The following PCDH15 variants were observed in gnomAD, a reference collection of about 807,000 sequenced individuals.
PCDH15 encodes the protein protocadherin related 15.
PCDH15 carries 129 observed loss-of-function variants against 178.5 expected under a neutral mutation model. That is an observed-to-expected ratio of 0.72 (90% CI 0.63 to 0.84). PCDH15 has a LOEUF of 0.84. Ranked by LOEUF, PCDH15 falls within the 40% of genes least tolerant of loss-of-function variation. The pLI, the probability that PCDH15 is intolerant of heterozygous loss-of-function variation, is 0.00. For missense variants in PCDH15, 2,230 were observed against 2,099.9 expected (o/e 1.06, Z -1.21); for synonymous variants, 800 against 732.0 (o/e 1.09, Z -1.50).
intron 2 of PCDH15, among the ~76,000 whole-genome samples, chr10:54,661,736 A>G (rs1272451658): frequency 6.6e-6 from 1 of 151,876 alleles, no homozygotes; most frequent in African/African-American, 2.4e-5. Flanking sequence ...CAATAGGGAA[A>G]CTAGAAAATA....
intron 3 of PCDH15, among the ~76,000 whole-genome samples, chr10:54,456,542 G>A (rs985734504): frequency 6.6e-6 from 1 of 152,188 alleles, no homozygotes; most frequent in African/African-American, 2.4e-5. Context: ...GTAGGCAGAA[G>A]AAACTTGCCT....
chr10:54,311,373 T>C (rs1370001756), intron 8 of PCDH15, among the ~76,000 whole-genome samples: 1 of 152,060 alleles, frequency 6.6e-6, no homozygotes, highest in Non-Finnish European at 1.5e-5. Flanking sequence ...TATGCTACTG[T>C]TCAATTGAAA....
At chr10:54,855,845 A>G (rs1442947139) in intron 3 of PCDH15, among the ~76,000 whole-genome samples, 2 of 152,272 alleles carry the variant, frequency 1.3e-5, no homozygotes, top group East Asian at 1.9e-4. Flanking sequence ...ACACTTGTCA[A>G]TAGCAGAAGT....
intron 3 of PCDH15, among the ~76,000 whole-genome samples, chr10:54,509,191 C>T (rs939535778): frequency 2.0e-5 from 3 of 151,922 alleles, no homozygotes; most frequent in African/African-American, 4.8e-5. Context: ...GTGTCCCCAC[C>T]GAAACCTCAT....
chr10:53,985,932 G>A (rs2134701172), intron 21 of PCDH15, among the ~76,000 whole-genome samples: 1 of 152,180 alleles, frequency 6.6e-6, no homozygotes, highest in South Asian at 2.1e-4. Context: ...TATGTAGTAG[G>A]CACCAACTGT....
chr10:54,070,945 G>T (rs553998334), intron 17 of PCDH15, among the ~76,000 whole-genome samples: 3 of 151,986 alleles, frequency 2.0e-5, no homozygotes, highest in Admixed American at 6.6e-5. Flanking sequence ...AAAAAAGTGA[G>T]TTATAAAGCC....
chr10:55,179,489 G>A (rs952670341), intron 1 of PCDH15, among the ~76,000 whole-genome samples: 7 of 151,822 alleles, frequency 4.6e-5, no homozygotes, highest in Non-Finnish European at 1.0e-4. Context: ...GTTCCTTCTC[G>A]ATGATACCTT....
chr10:54,448,604 C>A (rs2076281473), intron 3 of PCDH15, among the ~76,000 whole-genome samples: 1 of 151,472 alleles, frequency 6.6e-6, no homozygotes, highest in South Asian at 2.1e-4. Flanking sequence ...TGGAGGAATT[C>A]TCTTATGGAA....
Position 54,330,838 on chromosome 10 carries a change from G to A in PCDH15, c.595-1132C>T, listed in dbSNP as rs150628914. On this transcript the variant is annotated intron_variant, in intron 6 of 37. Transcript: ENST00000644397. ...AAGAATGATAAAATTGTTTCTAGTA[G>A]GCTCAATAACTCAGTGTTATTTTGT... 3.3e-5 allele frequency among the ~76,000 whole-genome samples: 5 copies of A among 152,020 alleles called. No homozygotes were observed. In the East Asian group the frequency reaches 9.7e-4, roughly 29 times the overall value.
At chr10:55,122,599 A>G (rs994570597) in intron 2 of PCDH15, among the ~76,000 whole-genome samples, 1 of 152,302 alleles carries the variant, frequency 6.6e-6, no homozygotes, top group African/African-American at 2.4e-5. Context: ...TTATGGATTT[A>G]TCATCGACTG....
chr10:55,583,746 AT>A (rs1298316737), intron 2 of PCDH15, among the ~76,000 whole-genome samples: 2 of 152,052 alleles, frequency 1.3e-5, no homozygotes, highest in African/African-American at 4.8e-5. Flanking sequence ...CAGTTATGTT[AT>A]TGACACAGAG....
chr10:54,402,316 A>T (rs747363240), intron 3 of PCDH15, among the ~76,000 whole-genome samples: 11 of 152,008 alleles, frequency 7.2e-5, no homozygotes, highest in Non-Finnish European at 1.5e-4. Flanking sequence ...ACAATCTTAT[A>T]ATTTCTATTC....
chr10:54,507,228 G>A (rs1242596632), intron 3 of PCDH15, among the ~76,000 whole-genome samples: 2 of 151,464 alleles, frequency 1.3e-5, no homozygotes, highest in Non-Finnish European at 3.0e-5. Context: ...GAGCTTTTGA[G>A]GTAAGTCTCC....
chr10:54,801,698 A>G (rs1318040470), upstream of PCDH15, among the ~76,000 whole-genome samples: 2 of 152,128 alleles, frequency 1.3e-5, no homozygotes, highest in South Asian at 2.1e-4. Flanking sequence ...GGGCATAAAA[A>G]CAAAACAAAA....
chr10:54,723,248 CACTT>C (rs145979428), intron 1 of PCDH15, among the ~76,000 whole-genome samples: 18,443 of 151,414 alleles, frequency 0.12, 1,244 homozygotes, highest in African/African-American at 0.17. Flanking sequence ...TTAAAGCACA[CACTT>C]ACAATCAGTC....
intron 1 of PCDH15, among the ~76,000 whole-genome samples, chr10:55,215,134 T>C (rs1166660258): frequency 1.3e-5 from 2 of 152,122 alleles, no homozygotes; most frequent in African/African-American, 2.4e-5. Flanking sequence ...ATCCATGATC[T>C]TAGACTCATT....
chr10:54,956,159 AAAAC>A (rs1054730647), intron 2 of PCDH15, among the ~76,000 whole-genome samples: 1 of 151,402 alleles, frequency 6.6e-6, no homozygotes, highest in Admixed American at 6.6e-5. Flanking sequence ...GCCATGCCAA[AAAAC>A]AAGTATCATT....
At chr10:54,692,537 T>A (rs1295600466) in intron 1 of PCDH15, among the ~76,000 whole-genome samples, 1 of 152,200 alleles carries the variant, frequency 6.6e-6, no homozygotes, top group African/African-American at 2.4e-5. Context: ...TTCTCTCTGA[T>A]TGAGCCTTCC....
chr10:54,168,041 A>C, intron 13 of PCDH15, among the ~76,000 whole-genome samples: 1 of 148,338 alleles, frequency 6.7e-6, no homozygotes, highest in African/African-American at 2.5e-5. Context: ...TCCTCCTTCT[A>C]CTCCCTTGGC....
Sources: allele counts gnomAD v4.1 joint callset (sites outside exome capture counted in the v4.1 genomes callset), GRCh38; gene constraint gnomAD v4.1.1; transcripts MANE v1.5; gene names NCBI Gene and HGNC (gene_info 2026-07-23, HGNC 2026-07-21).